The following USP13 variants were observed in gnomAD, a reference collection of about 807,000 sequenced individuals.
The protein encoded by USP13 is ubiquitin specific peptidase 13, also known as ubiquitin carboxyl-terminal hydrolase 13.
USP13 carries 68 observed loss-of-function variants against 107.8 expected under a neutral mutation model. The ratio of observed to expected loss-of-function variants is 0.63; its 90% confidence interval spans 0.52 to 0.77. USP13 has a LOEUF of 0.77. Among genes scored for constraint, USP13 ranks in the 30% least tolerant of loss-of-function variants. The pLI, the probability that USP13 is intolerant of heterozygous loss-of-function variation, is 0.00. For synonymous variants in USP13, 377 were observed against 389.5 expected, an observed-to-expected ratio of 0.97 and a Z score of 0.38; for missense variants, 945 against 1,093.3, an observed-to-expected ratio of 0.86 and a Z score of 1.91.
Position 179,764,044 on chromosome 3 carries a change from C to G in USP13, c.2135C>G (p.Ala712Gly). 1 of 1,613,498 alleles carries G rather than the reference C, an allele frequency of 6.2e-7. No homozygotes were observed. Among genetic ancestry groups the G allele is most frequent in the South Asian group, 1.1e-5 (1 of 91,050 alleles). ...PLTMPGYGGA[A>G]SAGASVFGAS... ...ACCATGCCTGGTTATGGAGGGGCAG[C>G]TTCTGCTGGAGCCTCTGTTTTTGGT... The change falls in exon 18 of 21, where the codon GCT (alanine) becomes GGT (glycine). Residue 712 changes from alanine (A) to glycine (G), a missense_variant. Transcript: ENST00000263966.
At chr3:179,693,346 TC>T (rs1461493788) in intron 3 of USP13, among the ~76,000 whole-genome samples, 2 of 152,014 alleles carry the variant, frequency 1.3e-5, no homozygotes, top group Admixed American at 1.3e-4. Context: ...AGTGATGGGG[TC>T]TCACTGTGTT....
At chr3:179,699,606 G>A (rs1168658064) in intron 3 of USP13, among the ~76,000 whole-genome samples, 1 of 150,700 alleles carries the variant, frequency 6.6e-6, no homozygotes, top group Non-Finnish European at 1.5e-5. Flanking sequence ...AGGGTGAGGT[G>A]GGAGGATAGC....
intron 6 of USP13, among the ~76,000 whole-genome samples, chr3:179,713,433 A>G (rs769698482): frequency 6.6e-6 from 1 of 152,200 alleles, no homozygotes; most frequent in Non-Finnish European, 1.5e-5. Flanking sequence ...TAAAAGCCAC[A>G]TAAATTAATA....
In USP13 at chr3:179,761,213, G is replaced by C. The variant is rs1291475628; in HGVS notation, c.2050G>C (p.Glu684Gln). 6.2e-7 allele frequency: 1 copy of C among 1,614,180 alleles called. No individual in the cohort carries two copies. Among genetic ancestry groups the C allele is most frequent in the Non-Finnish European group, 8.5e-7 (1 of 1,180,040 alleles). Residue 684 changes from glutamate to glutamine, a missense_variant, in exon 17 of 21, where the codon GAG (glutamate) becomes CAG (glutamine). Glu to Gln is a conservative substitution (Grantham distance 29, BLOSUM62 2). Coordinates refer to ENST00000263966, the MANE Select transcript of USP13 (RefSeq NM_003940.3). ...GTACTTCACTGGAAATATGGGCGCCGAGGTGGCCTTCAACTGGATCATTGT... is the reference window on the plus strand; with the variant it reads ...GTACTTCACTGGAAATATGGGCGCCCAGGTGGCCTTCAACTGGATCATTGT... ...AVYFTGNMGA[E>Q]VAFNWIIVHM...
intron 19 of USP13, among the ~76,000 whole-genome samples, chr3:179,772,925 G>C (rs1715385398): frequency 6.6e-6 from 1 of 152,190 alleles, no homozygotes; most frequent in Admixed American, 6.5e-5. Context: ...CTCTTTTTGA[G>C]AATTCAGAAA....
rs1467223701 is a variant in USP13 at position 179,787,651 on chromosome 3, CT to C, written c.*3511del. 2 of 152,036 alleles carry C rather than the reference CT, an allele frequency of 1.3e-5. No individual in the cohort carries two copies. Among genetic ancestry groups the C allele is most frequent in the African/African-American group, 4.8e-5 (2 of 41,348 alleles). 9.4% of individuals were successfully genotyped at this position (152,036 alleles called of 1,614,324 possible). A position where few individuals can be genotyped will look rare whatever the true frequency, so the allele number is the denominator to read the frequency against. ...ATGGAGTCTCGCTGTGTTGCCAAGGCTGGAGTACAGTGGTGCAATCTCAGCT... is the reference window on the plus strand; with the variant it reads ...ATGGAGTCTCGCTGTGTTGCCAAGGCGGAGTACAGTGGTGCAATCTCAGCT... On this transcript the variant is annotated 3_prime_UTR_variant, in exon 21 of 21. Coordinates refer to ENST00000263966, the MANE Select transcript of USP13 (RefSeq NM_003940.3).
At chr3:179,689,282 T>A (rs1181691539) in intron 2 of USP13, among the ~76,000 whole-genome samples, 2 of 152,190 alleles carry the variant, frequency 1.3e-5, no homozygotes, top group East Asian at 3.8e-4. Context: ...TGTGTGAGCA[T>A]CAGATGAATG....
chr3:179,711,862 T>C (rs1271079118), intron 6 of USP13, among the ~76,000 whole-genome samples: 6 of 152,226 alleles, frequency 3.9e-5, no homozygotes, highest in African/African-American at 1.4e-4. Context: ...AACATAGTCA[T>C]TTATTATTAT....
intron 3 of USP13, among the ~76,000 whole-genome samples, chr3:179,691,167 T>TAAAAA (rs57267808): frequency 7.1e-6 from 1 of 140,102 alleles, no homozygotes; most frequent in Non-Finnish European, 1.5e-5. Flanking sequence ...ATCCTGTCTT[T>TAAAAA]AAAAAAAAAA....
chr3:179,759,346 A>G (rs373120539), intron 16 of USP13, among the ~76,000 whole-genome samples: 37 of 152,208 alleles, frequency 2.4e-4, no homozygotes, highest in Non-Finnish European at 4.4e-4. Context: ...CTATCTATAT[A>G]TCTTTTAAGA....
intron 11 of USP13, among the ~76,000 whole-genome samples, chr3:179,741,304 C>T (rs1166235698): frequency 6.6e-6 from 1 of 152,118 alleles, no homozygotes; most frequent in African/African-American, 2.4e-5. Flanking sequence ...CAACCTCCGC[C>T]TTGCAGGTTC....
At chr3:179,775,205 C>T (rs1715483345) in intron 19 of USP13, among the ~76,000 whole-genome samples, 1 of 151,862 alleles carries the variant, frequency 6.6e-6, no homozygotes, top group African/African-American at 2.4e-5. Context: ...TTTAGCTAGA[C>T]ACAGCATGCT....
At chr3:179,750,764 T>C (rs1027114421) in intron 13 of USP13, among the ~76,000 whole-genome samples, 1 of 152,218 alleles carries the variant, frequency 6.6e-6, no homozygotes, top group Non-Finnish European at 1.5e-5. Flanking sequence ...TTCATGAACA[T>C]TGCACGGCCT....
At chr3:179,768,895 C>T (rs1011003262) in intron 19 of USP13, among the ~76,000 whole-genome samples, 2 of 152,084 alleles carry the variant, frequency 1.3e-5, no homozygotes, top group African/African-American at 4.8e-5. Context: ...TGAGTTGTTG[C>T]TTTCTTTTTC....
intron 4 of USP13, among the ~76,000 whole-genome samples, chr3:179,705,065 C>T (rs1576938915): frequency 6.6e-6 from 1 of 152,046 alleles, no homozygotes; most frequent in Admixed American, 6.5e-5. Context: ...TGGCTAGGAC[C>T]AGGAGAGGTG....
At chr3:179,749,828 C>T (rs930384659) in intron 13 of USP13, among the ~76,000 whole-genome samples, 11 of 152,174 alleles carry the variant, frequency 7.2e-5, no homozygotes, top group African/African-American at 2.4e-4. Context: ...CACAGAGCAG[C>T]TTCAAGAGTC....
intron 1 of USP13, among the ~76,000 whole-genome samples, chr3:179,671,922 A>T (rs893417052): frequency 1.5e-4 from 23 of 152,264 alleles, no homozygotes; most frequent in Admixed American, 1.5e-3. Flanking sequence ...TGCAGCAATG[A>T]CCGCTTGTTT....
At chr3:179,770,636 C>T (rs374214779) in intron 19 of USP13, among the ~76,000 whole-genome samples, 9 of 150,236 alleles carry the variant, frequency 6.0e-5, no homozygotes, top group African/African-American at 2.0e-4. Context: ...GATGGAGTCT[C>T]GCTCTGTCGC....
chr3:179,722,065 CAAAAA>C (rs113098896), intron 8 of USP13, among the ~76,000 whole-genome samples: 13 of 127,706 alleles, frequency 1.0e-4, no homozygotes, highest in East Asian at 2.2e-4. Context: ...GAATCTGTCT[CAAAAA>C]AAAAAAAAAA....
Sources: allele counts gnomAD v4.1 joint callset (sites outside exome capture counted in the v4.1 genomes callset), GRCh38; gene constraint gnomAD v4.1.1; transcripts MANE v1.5; gene names NCBI Gene and HGNC (gene_info 2026-07-23, HGNC 2026-07-21).